Variants in MGMT observed in about 807,000 individuals in gnomAD.
MGMT encodes the protein methylated-DNA--protein-cysteine methyltransferase.
MGMT carries 14 observed loss-of-function variants against 15.9 expected under a neutral mutation model. The observed-to-expected ratio is 0.88, with a 90% CI of 0.58 to 1.37. The LOEUF (loss-of-function observed/expected upper bound fraction) is 1.37, where lower values mean the gene tolerates loss of function less well. MGMT is among the 40% of genes most tolerant of loss of function. The pLI, the probability that MGMT is intolerant of heterozygous loss-of-function variation, is 0.00. For missense variants in MGMT, 282 were observed against 268.1 expected (o/e 1.05, Z -0.36); for synonymous variants, 130 against 118.2 (o/e 1.10, Z -0.65).
At chr10:129,730,559 CGAGGTTTGCAGGCAT>C (rs1487692132) in intron 3 of MGMT, among the ~76,000 whole-genome samples, 3 of 152,126 alleles carry the variant, frequency 2.0e-5, no homozygotes, top group African/African-American at 7.2e-5. Flanking sequence ...AGAGCAGACG[CGAGGTTTGCAGGCAT>C]GAGGATGACA....
At chr10:129,547,580 G>A (rs1789668887) in intron 2 of MGMT, among the ~76,000 whole-genome samples, 1 of 152,182 alleles carries the variant, frequency 6.6e-6, no homozygotes, top group Admixed American at 6.5e-5. Flanking sequence ...GGGGCTGGGT[G>A]GGGCAGGGGA....
intron 2 of MGMT, among the ~76,000 whole-genome samples, chr10:129,593,959 C>G (rs35146382): frequency 0.12 from 18,969 of 152,220 alleles, 1,525 homozygotes; most frequent in African/African-American, 0.22. Flanking sequence ...CGACTTTGCT[C>G]TGCCCTGGGA....
At chr10:129,657,235 G>A (rs767141395) in intron 2 of MGMT, among the ~76,000 whole-genome samples, 3 of 152,062 alleles carry the variant, frequency 2.0e-5, no homozygotes, top group Non-Finnish European at 2.9e-5. Context: ...TAAGTGCTTC[G>A]AATCGGGATT....
intron 2 of MGMT, among the ~76,000 whole-genome samples, chr10:129,558,675 C>T (rs956533718): frequency 3.9e-5 from 6 of 152,132 alleles, no homozygotes; most frequent in Non-Finnish European, 8.8e-5. Flanking sequence ...TGGAAATCTC[C>T]GGCGTCTCTC....
intron 4 of MGMT, among the ~76,000 whole-genome samples, chr10:129,762,185 G>A (rs1374519904): frequency 2.6e-5 from 4 of 152,184 alleles, no homozygotes; most frequent in East Asian, 1.9e-4. Context: ...CAGACGGTGC[G>A]TCGCTGAGAC....
intron 2 of MGMT, among the ~76,000 whole-genome samples, chr10:129,662,070 G>A (rs562670559): frequency 1.2e-4 from 19 of 152,264 alleles, no homozygotes; most frequent in African/African-American, 3.6e-4. Flanking sequence ...ACAGTTCCAC[G>A]TGTAGAGGAT....
chr10:129,517,785 C>T (rs1277206688), intron 1 of MGMT, among the ~76,000 whole-genome samples: 7 of 151,312 alleles, frequency 4.6e-5, no homozygotes, highest in Non-Finnish European at 8.8e-5. Context: ...CAAACCCTCA[C>T]TGTGACCCCA....
chr10:129,669,144 C>T (rs1294554063), intron 2 of MGMT, among the ~76,000 whole-genome samples: 2 of 152,154 alleles, frequency 1.3e-5, no homozygotes, highest in Non-Finnish European at 2.9e-5. Context: ...TTATAGGACA[C>T]TAGGTTTCCT....
At chr10:129,602,218 A>G (rs1428693843) in intron 2 of MGMT, among the ~76,000 whole-genome samples, 2 of 151,832 alleles carry the variant, frequency 1.3e-5, no homozygotes, top group African/African-American at 4.8e-5. Flanking sequence ...CTTTTTTTTT[A>G]AAGTACAAAA....
At chr10:129,575,560 T>C (rs1218436895) in intron 2 of MGMT, among the ~76,000 whole-genome samples, 5 of 148,970 alleles carry the variant, frequency 3.4e-5, no homozygotes, top group African/African-American at 1.2e-4. Context: ...TTTATAGCAC[T>C]AAATGCCCAC....
intron 1 of MGMT, among the ~76,000 whole-genome samples, chr10:129,500,317 T>TG (rs1374651120): frequency 1.3e-5 from 2 of 152,082 alleles, no homozygotes; most frequent in African/African-American, 4.8e-5. Flanking sequence ...CCCTGGGCCA[T>TG]GGGGGGCTGC....
At chr10:129,625,633 A>G (rs999502966) in intron 2 of MGMT, among the ~76,000 whole-genome samples, 8 of 152,256 alleles carry the variant, frequency 5.3e-5, no homozygotes, top group African/African-American at 1.9e-4. Context: ...AGCATTTGAC[A>G]AATTTCAACA....
intron 2 of MGMT, among the ~76,000 whole-genome samples, chr10:129,560,842 T>C (rs942966866): frequency 6.6e-6 from 1 of 152,212 alleles, no homozygotes; most frequent in African/African-American, 2.4e-5. Flanking sequence ...GTTGCTGCTA[T>C]GGAATTTCAT....
At chr10:129,569,091 C>T (rs1053737078) in intron 2 of MGMT, among the ~76,000 whole-genome samples, 11 of 152,194 alleles carry the variant, frequency 7.2e-5, no homozygotes, top group African/African-American at 1.4e-4. Flanking sequence ...ACAGCTGGGC[C>T]CACACTCCGG....
chr10:129,680,888 T>C (rs1564759215), intron 2 of MGMT, among the ~76,000 whole-genome samples: 1 of 152,198 alleles, frequency 6.6e-6, no homozygotes, highest in African/African-American at 2.4e-5. Flanking sequence ...GGGCACGCTG[T>C]GTGGACGCTG....
At chr10:129,546,183 G>T (rs773668497) in intron 2 of MGMT, among the ~76,000 whole-genome samples, 12 of 152,242 alleles carry the variant, frequency 7.9e-5, no homozygotes, top group Non-Finnish European at 1.5e-4. Context: ...TGCATGGGGT[G>T]GGGAGGGGCC....
intron 3 of MGMT, among the ~76,000 whole-genome samples, chr10:129,735,111 G>A (rs1236423882): frequency 6.6e-6 from 1 of 152,146 alleles, no homozygotes; most frequent in Admixed American, 6.5e-5. Flanking sequence ...CTTTTCTATT[G>A]ATTGGAATAG....
chr10:129,752,066 G>C (rs1246431054), intron 3 of MGMT, among the ~76,000 whole-genome samples: 1 of 151,904 alleles, frequency 6.6e-6, no homozygotes, highest in African/African-American at 2.4e-5. Flanking sequence ...CTGATTTTCT[G>C]TCACCTAGTT....
chr10:129,696,614 G>A (rs1848035370), intron 2 of MGMT, among the ~76,000 whole-genome samples: 1 of 152,260 alleles, frequency 6.6e-6, no homozygotes, highest in Non-Finnish European at 1.5e-5. Context: ...AAATGTAGGT[G>A]TATTTTCAGT....
Sources: allele counts gnomAD v4.1 joint callset (sites outside exome capture counted in the v4.1 genomes callset), GRCh38; gene constraint gnomAD v4.1.1; transcripts MANE v1.5; gene names NCBI Gene and HGNC (gene_info 2026-07-23, HGNC 2026-07-21).